GRIP1: variants seen among roughly 807,000 people sequenced by gnomAD.
GRIP1 encodes glutamate receptor interacting protein 1, also known as glutamate receptor-interacting protein 1.
GRIP1 carries 45 observed loss-of-function variants against 129.9 expected under a neutral mutation model. The ratio of observed to expected loss-of-function variants is 0.35; its 90% CI spans 0.27 to 0.44. The LOEUF is 0.44. Among genes scored for constraint, GRIP1 ranks in the 20% least tolerant of loss-of-function variants. The pLI is 1.00. For synonymous variants in GRIP1, 530 were observed against 520.8 expected (o/e 1.02, Z -0.24); for missense variants, 1,196 against 1,396.8 (o/e 0.86, Z 2.29).
intron 11 of GRIP1, 42 bp downstream of exon 11, chr12:66,455,367 G>A: frequency 6.2e-7 from 1 of 1,601,960 alleles, no homozygotes; most frequent in Non-Finnish European, 8.6e-7. Context: ...TTGCCCACAG[G>A]TTTTTTCCAG....
chr12:66,582,703 C>T (rs1203273550), intron 2 of GRIP1, among the ~76,000 whole-genome samples: 169 of 144,266 alleles, frequency 1.2e-3, no homozygotes, highest in Non-Finnish European at 2.2e-3. Context: ...TTACAAGGGA[C>T]ATGAAGGACC....
At chr12:66,966,641 C>T (rs754059325) in intron 1 of GRIP1, among the ~76,000 whole-genome samples, 1 of 152,074 alleles carries the variant, frequency 6.6e-6, no homozygotes, top group Non-Finnish European at 1.5e-5. Flanking sequence ...TTTTAATGAC[C>T]TTAACAGATT....
intron 16 of GRIP1, among the ~76,000 whole-genome samples, chr12:66,397,110 C>A (rs200001202): frequency 1.2e-3 from 75 of 60,208 alleles, no homozygotes; most frequent in South Asian, 3.2e-3. Context: ...GACTCTGTCT[C>A]AAAAAAAAAA....
chr12:66,667,798 G>A (rs2033877513), intron 1 of GRIP1, among the ~76,000 whole-genome samples: 3 of 152,162 alleles, frequency 2.0e-5, no homozygotes, highest in Admixed American at 2.0e-4. Context: ...GAAGGTGAAG[G>A]AGGTGTTTAA....
intron 11 of GRIP1, among the ~76,000 whole-genome samples, chr12:66,453,109 G>C (rs1030715464): frequency 6.6e-6 from 1 of 152,192 alleles, no homozygotes; most frequent in Non-Finnish European, 1.5e-5. Context: ...ATAATGTCCT[G>C]ATTCAAGAGA....
intron 1 of GRIP1, among the ~76,000 whole-genome samples, chr12:67,016,046 G>C (rs1190792711): frequency 1.3e-5 from 2 of 152,120 alleles, no homozygotes; most frequent in Non-Finnish European, 2.9e-5. Context: ...TGTAACTCTG[G>C]GTTATGGGGA....
At chr12:66,465,064 C>T (rs1592372518) in intron 8 of GRIP1, among the ~76,000 whole-genome samples, 1 of 151,654 alleles carries the variant, frequency 6.6e-6, no homozygotes, top group East Asian at 1.9e-4. Context: ...CATGCCTCAG[C>T]CTCCCGAGTA....
intron 1 of GRIP1, among the ~76,000 whole-genome samples, chr12:66,988,760 T>A (rs1052570385): frequency 2.6e-5 from 4 of 152,198 alleles, no homozygotes; most frequent in Admixed American, 2.6e-4. Context: ...AATTCTGATA[T>A]ATAATATGGT....
chr12:66,883,056 A>T (rs1053662951), intron 1 of GRIP1, among the ~76,000 whole-genome samples: 8 of 152,010 alleles, frequency 5.3e-5, no homozygotes, highest in African/African-American at 1.9e-4. Context: ...TTATGAGTCT[A>T]CTACCCACTC....
At chr12:66,364,348 A>G (rs899408264) in intron 23 of GRIP1, among the ~76,000 whole-genome samples, 2 of 151,984 alleles carry the variant, frequency 1.3e-5, no homozygotes, top group Non-Finnish European at 2.9e-5. Context: ...GGAAAATAAA[A>G]TTAAAATCTC....
chr12:66,895,507 A>G (rs538758663), intron 1 of GRIP1, among the ~76,000 whole-genome samples: 1 of 152,250 alleles, frequency 6.6e-6, no homozygotes, highest in South Asian at 2.1e-4. Flanking sequence ...AGAACAGACT[A>G]ATGCACCCTT....
chr12:66,605,079 T>A (rs974568299), intron 1 of GRIP1, among the ~76,000 whole-genome samples: 1 of 140,470 alleles, frequency 7.1e-6, no homozygotes. Flanking sequence ...ATATATATAT[T>A]CACAATTTGG....
intron 1 of GRIP1, among the ~76,000 whole-genome samples, chr12:66,732,069 A>G (rs922937760): frequency 2.6e-5 from 4 of 152,214 alleles, no homozygotes; most frequent in East Asian, 1.9e-4. Context: ...CCCTTGAATA[A>G]CACGGGTTTG....
At chr12:66,754,501 C>T (rs936165718) in intron 1 of GRIP1, among the ~76,000 whole-genome samples, 12 of 152,122 alleles carry the variant, frequency 7.9e-5, no homozygotes, top group East Asian at 1.9e-4. Context: ...GTTTAAATAA[C>T]GAGAGAGACA....
chr12:66,503,113 A>G (rs80139359), intron 7 of GRIP1, among the ~76,000 whole-genome samples: 2,490 of 152,214 alleles, frequency 0.016, 63 homozygotes, highest in African/African-American at 0.056. Context: ...CACAGCTGTC[A>G]CAATGAAGTG....
At chr12:66,465,869 G>A (rs778963970) in intron 7 of GRIP1, among the ~76,000 whole-genome samples, 1 of 152,062 alleles carries the variant, frequency 6.6e-6, no homozygotes, top group Non-Finnish European at 1.5e-5. Flanking sequence ...AAAAAGAAAG[G>A]AAGGAAAGAA....
chr12:66,355,226 G>A (rs1228754162), intron 23 of GRIP1, among the ~76,000 whole-genome samples: 1 of 152,142 alleles, frequency 6.6e-6, no homozygotes, highest in African/African-American at 2.4e-5. Context: ...GTGCATGTGT[G>A]TGTGTGTGTG....
At chr12:66,763,558 T>C (rs979538757) in intron 1 of GRIP1, among the ~76,000 whole-genome samples, 3 of 152,188 alleles carry the variant, frequency 2.0e-5, no homozygotes, top group Admixed American at 2.0e-4. Flanking sequence ...TCAGCTATTT[T>C]GGAGTTTATC....
At chr12:66,958,865 G>A (rs1487504954) in intron 1 of GRIP1, among the ~76,000 whole-genome samples, 2 of 152,058 alleles carry the variant, frequency 1.3e-5, no homozygotes, top group Non-Finnish European at 2.9e-5. Flanking sequence ...TGCATATTAC[G>A]AAAGGGGCTT....
Sources: gnomAD v4.1 joint callset for allele counts (sites outside exome capture counted in the v4.1 genomes callset) on GRCh38, gnomAD v4.1.1 for gene constraint, MANE v1.5 for transcripts, NCBI Gene and HGNC (gene_info 2026-07-23, HGNC 2026-07-21) for gene names.